The following ST8SIA5 variants were observed in gnomAD, a reference collection of about 807,000 sequenced individuals.
ST8SIA5 encodes alpha-2,8-sialyltransferase 8E.
In ST8SIA5, 24 loss-of-function variants were observed where a neutral mutation model predicts 40.2. That is an observed-to-expected ratio of 0.60 (90% CI 0.43 to 0.84). The LOEUF is 0.84. Among genes scored for constraint, ST8SIA5 ranks in the 40% least tolerant of loss-of-function variants. The pLI, the probability that ST8SIA5 is intolerant of heterozygous loss-of-function variation, is 0.00. For synonymous variants in ST8SIA5, 198 were observed against 201.8 expected, an observed-to-expected ratio of 0.98 and a Z score of 0.16; for missense variants, 465 against 498.5, an observed-to-expected ratio of 0.93 and a Z score of 0.64.
chr18:46,695,950 C>T (rs2039553259), intron 2 of ST8SIA5, among the ~76,000 whole-genome samples: 1 of 152,090 alleles, frequency 6.6e-6, no homozygotes, highest in African/African-American at 2.4e-5. Context: ...AAATGGAAAA[C>T]AAATATATAA....
chr18:46,686,834 T>TAC (rs2039453679), intron 4 of ST8SIA5, among the ~76,000 whole-genome samples: 1 of 115,508 alleles, frequency 8.7e-6, no homozygotes. Flanking sequence ...AAAAAAAAAA[T>TAC]AGTCATTTTC....
At chr18:46,732,188 C>G (rs940437052) in intron 1 of ST8SIA5, among the ~76,000 whole-genome samples, 6 of 152,204 alleles carry the variant, frequency 3.9e-5, no homozygotes, top group Non-Finnish European at 8.8e-5. Context: ...ATTGGCAGCC[C>G]CTGAGTTGCA....
At chr18:46,731,145 G>A (rs535067532) in intron 1 of ST8SIA5, among the ~76,000 whole-genome samples, 129 of 152,312 alleles carry the variant, frequency 8.5e-4, no homozygotes, top group African/African-American at 3.1e-3. Flanking sequence ...TTATGTCAAG[G>A]GGGAGATTTC....
At chr18:46,754,917 C>A (rs754550668) in intron 1 of ST8SIA5, among the ~76,000 whole-genome samples, 27 of 152,204 alleles carry the variant, frequency 1.8e-4, no homozygotes, top group Non-Finnish European at 3.7e-4. Context: ...TGTGGGGGAC[C>A]CAGCTGTCCT....
At chr18:46,732,603 A>G (rs375348846) in intron 1 of ST8SIA5, among the ~76,000 whole-genome samples, 1 of 152,176 alleles carries the variant, frequency 6.6e-6, no homozygotes, top group African/African-American at 2.4e-5. Context: ...TGTACTCCCT[A>G]TCATTAGAGG....
chr18:46,702,223 G>A, intron 2 of ST8SIA5, among the ~76,000 whole-genome samples: 1 of 151,976 alleles, frequency 6.6e-6, no homozygotes, highest in East Asian at 1.9e-4. Context: ...CAGTGCTCTG[G>A]ATTTGCACAG....
chr18:46,671,311 A>T lies in ST8SIA5; in HGVS notation c.*8731T>A, dbSNP rs2039307763. Reference sequence around the variant, plus strand: ...GTACTAACTCTCTGGTTTCAGCTCAAGCCTGTTCCAAAGTATGATAGAAAA... The same window carrying T: ...GTACTAACTCTCTGGTTTCAGCTCATGCCTGTTCCAAAGTATGATAGAAAA... On this transcript the variant is annotated 3_prime_UTR_variant, in exon 7 of 7. Coordinates refer to ENST00000315087, the MANE Select transcript of ST8SIA5 (RefSeq NM_013305.6). The T allele has an allele frequency of 6.6e-6, 1 of 152,230 alleles. No homozygotes were observed. The highest frequency in any genetic ancestry group is 1.5e-5 in the Non-Finnish European group (1 of 68,042). The allele number at this position is 152,230 out of a possible 1,614,324, so 9.4% of individuals were successfully genotyped here. A position where few individuals can be genotyped will look rare whatever the true frequency, so the allele number is the denominator to read the frequency against.
At chr18:46,723,736 G>C (rs2039886738) in intron 1 of ST8SIA5, among the ~76,000 whole-genome samples, 1 of 151,892 alleles carries the variant, frequency 6.6e-6, no homozygotes. Flanking sequence ...GACCAGCCTG[G>C]CCAGCATGGT....
chr18:46,756,058 G>A (rs1198058587), intron 1 of ST8SIA5, among the ~76,000 whole-genome samples: 1 of 152,220 alleles, frequency 6.6e-6, no homozygotes, highest in East Asian at 1.9e-4. Context: ...TGGGTCTGGA[G>A]GACACCGCTC....
At chr18:46,708,434 C>T (rs1240357073) in intron 1 of ST8SIA5, among the ~76,000 whole-genome samples, 1 of 152,192 alleles carries the variant, frequency 6.6e-6, no homozygotes, top group East Asian at 1.9e-4. Context: ...GCTTTGACAC[C>T]TGGGGCCTTG....
chr18:46,686,337 A>T lies in ST8SIA5; in HGVS notation c.457-51T>A, dbSNP rs775054929. On this transcript the variant is annotated intron_variant, in intron 4 of 6. Coordinates refer to ENST00000315087, the MANE Select transcript of ST8SIA5 (RefSeq NM_013305.6). ...CAGAGCCAAGCCACCCCCTGCCTCG[A>T]CCTGCTACTCTCACCTCTGCAAGCA... 4.7e-6 allele frequency: 7 copies of T among 1,486,332 alleles called. No individual in the cohort carries two copies. In the Admixed American group the frequency reaches 6.8e-5, roughly 14 times the overall value. The allele number at this position is 1,486,332 out of a possible 1,614,324, so 92.1% of individuals were successfully genotyped here. A position where few individuals can be genotyped will look rare whatever the true frequency, so the allele number is the denominator to read the frequency against.
At chr18:46,699,388 C>G (rs1432860406) in intron 2 of ST8SIA5, among the ~76,000 whole-genome samples, 2 of 149,276 alleles carry the variant, frequency 1.3e-5, no homozygotes, top group Non-Finnish European at 3.0e-5. Context: ...CTTTTTTTTT[C>G]TTTTTTTTTG....
chr18:46,731,017 T>G (rs2144545116), intron 1 of ST8SIA5, among the ~76,000 whole-genome samples: 1 of 152,242 alleles, frequency 6.6e-6, no homozygotes, highest in South Asian at 2.1e-4. Context: ...ACACAGATGG[T>G]CACCCCAACT....
chr18:46,738,979 A>C (rs1355841657), intron 1 of ST8SIA5, among the ~76,000 whole-genome samples: 4 of 152,162 alleles, frequency 2.6e-5, no homozygotes, highest in Non-Finnish European at 4.4e-5. Flanking sequence ...AAAGCATAGG[A>C]GGGTCCTCTG....
chr18:46,728,615 G>C (rs1472681382), intron 1 of ST8SIA5, among the ~76,000 whole-genome samples: 1 of 152,210 alleles, frequency 6.6e-6, no homozygotes, highest in African/African-American at 2.4e-5. Context: ...GGGGCACAGC[G>C]TGCAGCCCAG....
chr18:46,710,314 G>T (rs1339858752), intron 1 of ST8SIA5, among the ~76,000 whole-genome samples: 1 of 152,012 alleles, frequency 6.6e-6, no homozygotes, highest in Non-Finnish European at 1.5e-5. Flanking sequence ...AGCTCTGTGG[G>T]CTAAGGAGGC....
At chr18:46,739,114 G>C (rs1188605614) in intron 1 of ST8SIA5, among the ~76,000 whole-genome samples, 2 of 152,206 alleles carry the variant, frequency 1.3e-5, no homozygotes. Flanking sequence ...TGAATTCAGA[G>C]GAGAGAAAGA....
At chr18:46,728,012 T>A (rs921987413) in intron 1 of ST8SIA5, among the ~76,000 whole-genome samples, 118 of 152,096 alleles carry the variant, frequency 7.8e-4, no homozygotes, top group African/African-American at 2.7e-3. Flanking sequence ...CTGGCCAACA[T>A]GGTGAAACCC....
At chr18:46,723,553 A>AATGAATGAATGAATGGATAG (rs1031144206) in intron 1 of ST8SIA5, among the ~76,000 whole-genome samples, 3 of 152,148 alleles carry the variant, frequency 2.0e-5, no homozygotes, top group African/African-American at 7.2e-5. Context: ...CCCTGTCTTG[A>AATGAATGAATGAATGGATAG]ATGAATGAAT....
Sources: gnomAD v4.1 joint callset for allele counts (sites outside exome capture counted in the v4.1 genomes callset) on GRCh38, gnomAD v4.1.1 for gene constraint, MANE v1.5 for transcripts, NCBI Gene and HGNC (gene_info 2026-07-23, HGNC 2026-07-21) for gene names.